The following NEXMIF variants were observed in gnomAD, a reference collection of about 807,000 sequenced individuals.
The protein encoded by NEXMIF is XLMR protein related to neurite extension.
A neutral mutation model predicts 62.1 loss-of-function variants in NEXMIF; 8 were observed. That is an observed-to-expected ratio of 0.13 (90% CI 0.08 to 0.23). The LOEUF (loss-of-function observed/expected upper bound fraction) is 0.23, where lower values mean the gene tolerates loss of function less well. Among genes scored for constraint, NEXMIF ranks in the 10% least tolerant of loss-of-function variants. NEXMIF has a pLI of 1.00. For synonymous variants in NEXMIF, 404 were observed against 416.6 expected (o/e 0.97, Z 0.37); for missense variants, 976 against 1,113.3 (o/e 0.88, Z 1.75).
chrX:74,892,206 T>C (rs943158346), intron 1 of NEXMIF, among the ~76,000 whole-genome samples: 3 of 112,029 alleles, frequency 2.7e-5, no homozygotes, highest in Non-Finnish European at 5.6e-5. Flanking sequence ...AAAGCCTCAA[T>C]GCAGAGGGAC....
intron 1 of NEXMIF, among the ~76,000 whole-genome samples, chrX:74,780,750 A>G (rs1443732630): frequency 8.9e-6 from 1 of 112,098 alleles, no homozygotes; most frequent in Non-Finnish European, 1.9e-5. Flanking sequence ...GATCTGTACA[A>G]CAAAGCTATG....
At chrX:74,756,205 C>T (rs979285408) in intron 1 of NEXMIF, among the ~76,000 whole-genome samples, 1 of 112,066 alleles carries the variant, frequency 8.9e-6, no homozygotes, top group Non-Finnish European at 1.9e-5. Context: ...TCGTGATCCG[C>T]CCGCCTCGGC....
intron 1 of NEXMIF, among the ~76,000 whole-genome samples, chrX:74,906,228 GT>G (rs1326461144): frequency 9.2e-6 from 1 of 108,648 alleles, no homozygotes; most frequent in Admixed American, 9.9e-5. Context: ...AACTGTGTTT[GT>G]GCCATTGTAC....
At chrX:74,878,896 C>G (rs1289326037) in intron 1 of NEXMIF, among the ~76,000 whole-genome samples, 1 of 112,599 alleles carries the variant, frequency 8.9e-6, no homozygotes, top group Non-Finnish European at 1.9e-5. Flanking sequence ...GTCTGGCACT[C>G]CCAATGAGAT....
chrX:74,746,479 G>T (rs192554027), intron 1 of NEXMIF, among the ~76,000 whole-genome samples: 1 of 111,636 alleles, frequency 9.0e-6, no homozygotes, highest in Non-Finnish European at 1.9e-5. Flanking sequence ...TGAGATGGGG[G>T]TATCTGCCAC....
intron 1 of NEXMIF, among the ~76,000 whole-genome samples, chrX:74,876,060 T>C (rs1291517485): frequency 9.0e-6 from 1 of 111,611 alleles, no homozygotes; most frequent in Non-Finnish European, 1.9e-5. Flanking sequence ...TTGCTCTTGC[T>C]TTTCTAGTTC....
At chrX:74,794,010 T>G (rs1277106393) in intron 1 of NEXMIF, among the ~76,000 whole-genome samples, 26 of 82,383 alleles carry the variant, frequency 3.2e-4, no homozygotes, top group African/African-American at 1.0e-3. Flanking sequence ...TTTGTTTCGT[T>G]GCTGGTGAGG....
intron 1 of NEXMIF, among the ~76,000 whole-genome samples, chrX:74,860,611 T>C (rs1162077513): frequency 8.9e-6 from 1 of 111,748 alleles, no homozygotes; most frequent in East Asian, 2.8e-4. Flanking sequence ...TTGGAAACTA[T>C]ACAAACACAT....
At chrX:74,849,966 C>T (rs1224027662) in intron 1 of NEXMIF, among the ~76,000 whole-genome samples, 4 of 112,263 alleles carry the variant, frequency 3.6e-5, no homozygotes, top group African/African-American at 1.3e-4. Flanking sequence ...CTGTTCCCAT[C>T]CAAGCATTCC....
intron 1 of NEXMIF, among the ~76,000 whole-genome samples, chrX:74,754,879 C>G (rs1161477277): frequency 3.6e-5 from 4 of 111,548 alleles, no homozygotes; most frequent in Non-Finnish European, 7.5e-5. Context: ...CAAAACATCC[C>G]ATTAAAAAAA....
intron 1 of NEXMIF, among the ~76,000 whole-genome samples, chrX:74,807,395 C>T (rs2080348079): frequency 9.0e-6 from 1 of 111,086 alleles, no homozygotes; most frequent in African/African-American, 3.3e-5. Context: ...ACCAAAAACT[C>T]CTGGACTGAA....
At chrX:74,911,174 C>A (rs1378768357) in intron 1 of NEXMIF, among the ~76,000 whole-genome samples, 3 of 111,586 alleles carry the variant, frequency 2.7e-5, no homozygotes, top group Non-Finnish European at 1.9e-5. Flanking sequence ...AATCCCAGCA[C>A]TTTGGGAGGC....
intron 1 of NEXMIF, among the ~76,000 whole-genome samples, chrX:74,837,308 T>C (rs2080460454): frequency 8.9e-6 from 1 of 111,973 alleles, no homozygotes; most frequent in Admixed American, 9.5e-5. Context: ...TGTGTGCAGA[T>C]AGTTGTTAAA....
intron 1 of NEXMIF, among the ~76,000 whole-genome samples, chrX:74,843,723 T>A (rs997744826): frequency 8.9e-6 from 1 of 112,359 alleles, no homozygotes; most frequent in African/African-American, 3.2e-5. Context: ...CGGGTCTTGC[T>A]TTTTTAATCC....
intron 1 of NEXMIF, among the ~76,000 whole-genome samples, chrX:74,873,028 T>C (rs2080609933): frequency 9.1e-6 from 1 of 109,490 alleles, no homozygotes; most frequent in Non-Finnish European, 1.9e-5. Context: ...TTAGGATACA[T>C]GTGCAAAATG....
intron 1 of NEXMIF, among the ~76,000 whole-genome samples, chrX:74,843,421 T>G (rs778189961): frequency 5.3e-4 from 58 of 109,949 alleles, no homozygotes; most frequent in South Asian, 1.6e-3. Flanking sequence ...TGCTTTTTTT[T>G]TTTGTTTGTT....
intron 1 of NEXMIF, among the ~76,000 whole-genome samples, chrX:74,805,935 C>A (rs970490918): frequency 9.0e-6 from 1 of 111,151 alleles, no homozygotes; most frequent in Non-Finnish European, 1.9e-5. Flanking sequence ...AAGGCGATGC[C>A]TCTGGCTTTG....
chrX:74,911,589 C>T (rs1376326636), intron 1 of NEXMIF, among the ~76,000 whole-genome samples: 2 of 112,215 alleles, frequency 1.8e-5, no homozygotes, highest in African/African-American at 6.5e-5. Context: ...TTAAAACCAA[C>T]ACCTTGGCTT....
intron 1 of NEXMIF, among the ~76,000 whole-genome samples, chrX:74,877,431 C>T (rs1194349647): frequency 1.8e-5 from 2 of 111,253 alleles, no homozygotes; most frequent in Non-Finnish European, 3.8e-5. Flanking sequence ...GCATTTTTTC[C>T]TTAATTTCAA....
Sources: allele counts gnomAD v4.1 joint callset (sites outside exome capture counted in the v4.1 genomes callset), GRCh38; gene constraint gnomAD v4.1.1; transcripts MANE v1.5; gene names NCBI Gene and HGNC (gene_info 2026-07-23, HGNC 2026-07-21).